The following FMN1 variants were observed in gnomAD, a reference collection of about 807,000 sequenced individuals.
FMN1 encodes the protein formin 1.
A neutral mutation model predicts 132.4 loss-of-function variants in FMN1; 110 were observed. The ratio of observed to expected loss-of-function variants is 0.83; its 90% CI spans 0.71 to 0.97. The LOEUF is 0.97. FMN1 is among the 50% of genes least tolerant of loss of function. The probability of loss-of-function intolerance (pLI) is 0.00; values close to 1 mark genes in which losing one functional copy is unlikely to be tolerated. For missense variants in FMN1, 1,792 were observed against 1,705.3 expected, an observed-to-expected ratio of 1.05 and a Z score of -0.90; for synonymous variants, 722 against 651.7, an observed-to-expected ratio of 1.11 and a Z score of -1.64.
intron 4 of FMN1, among the ~76,000 whole-genome samples, chr15:33,125,542 A>T (rs917870194): frequency 2.6e-5 from 4 of 152,120 alleles, no homozygotes; most frequent in Admixed American, 1.3e-4. Flanking sequence ...ATTACAGCTT[A>T]AAAAAATTCA....
At chr15:32,993,128 C>T (rs927014002) in intron 7 of FMN1, among the ~76,000 whole-genome samples, 5 of 151,896 alleles carry the variant, frequency 3.3e-5, no homozygotes, top group Middle Eastern at 6.8e-3. Flanking sequence ...TGCTGAGGCC[C>T]CAGTGAACAT....
chr15:32,971,298 A>C (rs1204043775), intron 7 of FMN1, among the ~76,000 whole-genome samples: 2 of 152,238 alleles, frequency 1.3e-5, no homozygotes, highest in Non-Finnish European at 2.9e-5. Context: ...ATTCCTAATT[A>C]TTTTTTAAAA....
Position 32,877,012 on chromosome 15 carries a change from A to G in FMN1, c.3835+11160T>C, listed in dbSNP as rs373874541. On this transcript the variant is annotated intron_variant, in intron 16 of 20. Coordinates refer to ENST00000616417, the MANE Select transcript of FMN1 (RefSeq NM_001277313.2). ...TAAAGACAGATGGTATCGGCTGGGC[A>G]TGGTGGCTCATGCCTGTAATCCCAG... Among the ~76,000 whole-genome samples the G allele has an allele frequency of 5.0e-4, 76 of 152,342 alleles. No homozygotes were observed. The East Asian group carries it at 0.012, about 24-fold the overall frequency.
intron 9 of FMN1, among the ~76,000 whole-genome samples, chr15:32,949,484 A>G (rs2061578012): frequency 6.6e-6 from 1 of 152,176 alleles, no homozygotes; most frequent in Admixed American, 6.5e-5. Flanking sequence ...TGGTCCTAGG[A>G]TAACTGGCTA....
At chr15:33,114,647 T>C (rs747531536) in intron 4 of FMN1, among the ~76,000 whole-genome samples, 1 of 151,828 alleles carries the variant, frequency 6.6e-6, no homozygotes. Context: ...TGACCAACAA[T>C]GCACCTTCTT....
intron 7 of FMN1, among the ~76,000 whole-genome samples, chr15:32,989,225 G>T (rs974979350): frequency 4.6e-5 from 7 of 152,198 alleles, no homozygotes; most frequent in African/African-American, 1.7e-4. Flanking sequence ...GTTGTTTAGT[G>T]AAAGTTTATG....
At chr15:33,018,783 T>TCTGGTGGG (rs1196182204) in intron 6 of FMN1, among the ~76,000 whole-genome samples, 1 of 152,154 alleles carries the variant, frequency 6.6e-6, no homozygotes, top group Non-Finnish European at 1.5e-5. Context: ...GTTTCTCCCT[T>TCTGGTGGG]CTGGTGGGCT....
intron 16 of FMN1, among the ~76,000 whole-genome samples, chr15:32,883,340 C>CA (rs2059815525): frequency 6.6e-6 from 1 of 151,460 alleles, no homozygotes; most frequent in Non-Finnish European, 1.5e-5. Flanking sequence ...CCTGTCTGTA[C>CA]AAAAAATACA....
In FMN1 at chr15:32,865,932, C is replaced by T. The variant is rs983487215; in HGVS notation, c.3836-8825G>A. ...AAGTAAAGCATTTAAATTAAAAGTG[C>T]TAACTTTTGGAAAATTAAAACAATA... On this transcript the variant is annotated intron_variant, in intron 16 of 20. Transcript: ENST00000616417. Among the ~76,000 whole-genome samples the T allele has an allele frequency of 4.6e-5, 7 of 151,726 alleles. No individual in the cohort carries two copies. The East Asian group carries it at 1.2e-3, about 25-fold the overall frequency.
intron 17 of FMN1, among the ~76,000 whole-genome samples, chr15:32,808,309 T>C (rs1266341187): frequency 2.0e-5 from 3 of 152,182 alleles, no homozygotes; most frequent in Admixed American, 2.0e-4. Context: ...GTCACCTGAG[T>C]GTCATGAGCC....
In FMN1 at chr15:32,768,083, G is replaced by C. The variant is rs2056106551; in HGVS notation, c.*6227C>G. 6.6e-6 allele frequency: 1 copy of C among 152,176 alleles called. No homozygotes were observed. The highest frequency in any genetic ancestry group is 1.5e-5 in the Non-Finnish European group (1 of 68,022). The allele number at this position is 152,176 out of a possible 1,614,324, so 9.4% of individuals were successfully genotyped here. On this transcript the variant is annotated 3_prime_UTR_variant, in exon 21 of 21. Coordinates refer to ENST00000616417, the MANE Select transcript of FMN1 (RefSeq NM_001277313.2). ...TTTTAGTCCCTTACTGGGAAGAGCAGTATAATTTTTGTATGCTATAAACTC... is the reference window on the plus strand; with the variant it reads ...TTTTAGTCCCTTACTGGGAAGAGCACTATAATTTTTGTATGCTATAAACTC...
rs532745652 is a variant in FMN1, at chr15:33,014,463, GA to G, written c.2162-6389del. 2.7e-3 allele frequency among the ~76,000 whole-genome samples: 417 copies of G among 152,316 alleles called. 9 individuals carry two copies. Among genetic ancestry groups the G allele is most frequent in the Non-Finnish European group, 7.2e-4 (49 of 68,030 alleles). On this transcript the variant is annotated intron_variant, in intron 6 of 20. Transcript: ENST00000616417. ...GGAACAGGAATTCTACATCAGGGTT[GA>G]AAAGGGCAGACTCATTTGAAGTCAC... is the stretch of plus-strand genomic sequence containing the variant.
At chr15:33,169,512 A>G (rs1242567731) in intron 3 of FMN1, among the ~76,000 whole-genome samples, 1 of 152,180 alleles carries the variant, frequency 6.6e-6, no homozygotes, top group African/African-American at 2.4e-5. Context: ...CCTAATGGGA[A>G]GAAGGGTAAG....
intron 9 of FMN1, among the ~76,000 whole-genome samples, chr15:32,935,638 T>A (rs995406051): frequency 2.0e-5 from 3 of 152,012 alleles, no homozygotes; most frequent in African/African-American, 7.2e-5. Context: ...TTACTCTTTT[T>A]TTTTTTTGAG....
chr15:32,897,806 C>T (rs959603980), intron 15 of FMN1, among the ~76,000 whole-genome samples: 2 of 152,030 alleles, frequency 1.3e-5, no homozygotes. Context: ...GTCTTAAAAC[C>T]TGGGTAAGCT....
chr15:33,108,495 G>A (rs531787295), intron 4 of FMN1, among the ~76,000 whole-genome samples: 9 of 151,778 alleles, frequency 5.9e-5, no homozygotes, highest in Middle Eastern at 6.8e-3. Flanking sequence ...AGATTGCAAG[G>A]TAGATAACAT....
At chr15:32,886,218 A>T (rs939267030) in intron 16 of FMN1, among the ~76,000 whole-genome samples, 1 of 152,206 alleles carries the variant, frequency 6.6e-6, no homozygotes. Context: ...ATCTCTAAAG[A>T]TTAGCAGGGC....
At chr15:33,193,586 G>A (rs1412413158) in intron 2 of FMN1, among the ~76,000 whole-genome samples, 1 of 152,086 alleles carries the variant, frequency 6.6e-6, no homozygotes, top group African/African-American at 2.4e-5. Flanking sequence ...AAAGGATTGG[G>A]TCTGGACATT....
At chr15:33,002,197 T>C (rs968462187) in intron 7 of FMN1, among the ~76,000 whole-genome samples, 1 of 152,234 alleles carries the variant, frequency 6.6e-6, no homozygotes, top group African/African-American at 2.4e-5. Flanking sequence ...TTTTGTACTT[T>C]AAAAGCATGA....
Sources: gnomAD v4.1 joint callset for allele counts (sites outside exome capture counted in the v4.1 genomes callset) on GRCh38, gnomAD v4.1.1 for gene constraint, MANE v1.5 for transcripts, NCBI Gene and HGNC (gene_info 2026-07-23, HGNC 2026-07-21) for gene names.